FGGY: variants seen among roughly 807,000 people sequenced by gnomAD.
FGGY encodes the protein FGGY carbohydrate kinase domain containing.
Under a neutral mutation model 71.3 loss-of-function variants are expected in FGGY, and 72 were observed. The observed-to-expected ratio is 1.01, with a 90% CI of 0.84 to 1.23. The LOEUF (loss-of-function observed/expected upper bound fraction) is 1.23, where lower values mean the gene tolerates loss of function less well. Among genes scored for constraint, FGGY ranks in the 50% most tolerant of loss-of-function variants. The pLI, the probability that FGGY is intolerant of heterozygous loss-of-function variation, is 0.00. For synonymous variants in FGGY, 251 were observed against 250.3 expected, an observed-to-expected ratio of 1.00 and a Z score of -0.02; for missense variants, 668 against 682.3, an observed-to-expected ratio of 0.98 and a Z score of 0.23.
chr1:59,516,850 C>CA (rs374621677), intron 7 of FGGY, among the ~76,000 whole-genome samples: 2 of 152,236 alleles, frequency 1.3e-5, no homozygotes, highest in African/African-American at 4.8e-5. Flanking sequence ...TATGAGGGGT[C>CA]AGCACTCTGC....
intron 10 of FGGY, among the ~76,000 whole-genome samples, chr1:59,636,034 G>T (rs2096955446): frequency 6.6e-6 from 1 of 152,184 alleles, no homozygotes; most frequent in Admixed American, 6.6e-5. Context: ...ATGGCAACTG[G>T]TGTTAACTGT....
chr1:59,598,268 T>C (rs67282567), intron 8 of FGGY, among the ~76,000 whole-genome samples: 28,668 of 152,180 alleles, frequency 0.19, 3,661 homozygotes, highest in African/African-American at 0.35. Flanking sequence ...TTCTTGTCTA[T>C]AGGAGAGAGA....
chr1:59,545,802 G>A (rs1448554924), intron 7 of FGGY, among the ~76,000 whole-genome samples: 4 of 152,186 alleles, frequency 2.6e-5, no homozygotes, highest in Admixed American at 2.6e-4. Context: ...AATGATGAAT[G>A]CCATCCCAAG....
intron 4 of FGGY, among the ~76,000 whole-genome samples, chr1:59,373,312 T>A (rs1400123107): frequency 2.6e-5 from 4 of 152,214 alleles, no homozygotes; most frequent in African/African-American, 9.6e-5. Context: ...CACAATTGCT[T>A]CAAAGAGAAT....
intron 11 of FGGY, among the ~76,000 whole-genome samples, chr1:59,638,988 T>C (rs1350125907): frequency 1.3e-5 from 2 of 152,086 alleles, no homozygotes. Context: ...AGTTGAGATA[T>C]AAAAGTAATA....
At chr1:59,423,269 G>A (rs1195040023) in intron 5 of FGGY, among the ~76,000 whole-genome samples, 1 of 152,178 alleles carries the variant, frequency 6.6e-6, no homozygotes, top group African/African-American at 2.4e-5. Context: ...TTTGGCAAAG[G>A]AGTGTGGCAG....
intron 8 of FGGY, among the ~76,000 whole-genome samples, chr1:59,580,229 G>T (rs1198104493): frequency 6.6e-6 from 1 of 152,164 alleles, no homozygotes; most frequent in Non-Finnish European, 1.5e-5. Flanking sequence ...GTTCCATGAA[G>T]ACAGAACTTT....
intron 1 of FGGY, among the ~76,000 whole-genome samples, chr1:59,315,897 G>A (rs1213353274): frequency 6.6e-6 from 1 of 152,152 alleles, no homozygotes; most frequent in African/African-American, 2.4e-5. Flanking sequence ...TGAAGAGGAG[G>A]CCTTAAGAAA....
In FGGY at chr1:59,483,880, TTGAAAAAAAA is replaced by T. The variant is rs1036527233; in HGVS notation, c.670+26806_670+26815del. On this transcript the variant is annotated intron_variant, in intron 6 of 15. Transcript: ENST00000303721. Reference sequence around the variant, plus strand: ...CCCCTTCTCCTAACAGTTTGGCTTCTTGAAAAAAAATAAAAGATGAAGGAAGCAGGGGTCT... The same window carrying T: ...CCCCTTCTCCTAACAGTTTGGCTTCTTAAAAGATGAAGGAAGCAGGGGTCT... Among the ~76,000 whole-genome samples, 3 of 152,166 alleles carry T rather than the reference TTGAAAAAAAA, an allele frequency of 2.0e-5. No individual in the cohort carries two copies. In the East Asian group the frequency reaches 5.8e-4, roughly 29 times the overall value.
intron 14 of FGGY, among the ~76,000 whole-genome samples, chr1:59,715,365 C>T (rs2097837518): frequency 6.6e-6 from 1 of 152,148 alleles, no homozygotes; most frequent in African/African-American, 2.4e-5. Context: ...TGACTGGAAT[C>T]AGGATTCAAA....
At chr1:59,697,617 CGTGCTTAACATTTTT>C (rs1353846517) in intron 14 of FGGY, 2 of 1,234,984 alleles carry the variant, frequency 1.6e-6, no homozygotes, top group East Asian at 1.1e-4. Context: ...AAGACTTTGG[CGTGCTTAACATTTTT>C]GTGACTTCTT....
Position 59,374,105 on chromosome 1 carries a change from A to C in FGGY, c.466-4644A>C, listed in dbSNP as rs146704100. On this transcript the variant is annotated intron_variant, in intron 4 of 15. Coordinates refer to ENST00000303721, the MANE Select transcript of FGGY (RefSeq NM_018291.5). ...GCACAGCAAAAGAAACTACCATCAG[A>C]GTGAACAGGCAACCCACAAAATGGC... Among the ~76,000 whole-genome samples the C allele has an allele frequency of 5.7e-3, 873 of 152,340 alleles. 7 individuals carry two copies. Among genetic ancestry groups the C allele is most frequent in the African/African-American group, 0.019 (808 of 41,566 alleles).
chr1:59,714,650 C>A (rs2100409035), intron 14 of FGGY, among the ~76,000 whole-genome samples: 1 of 152,048 alleles, frequency 6.6e-6, no homozygotes, highest in East Asian at 1.9e-4. Flanking sequence ...AGCTACAGTA[C>A]CAGAGAGTCC....
intron 5 of FGGY, among the ~76,000 whole-genome samples, chr1:59,429,701 TACAC>T (rs762975316): frequency 6.6e-5 from 10 of 152,124 alleles, no homozygotes; most frequent in South Asian, 2.1e-4. Flanking sequence ...TATGCATGTA[TACAC>T]ACACACAGAC....
At position 59,478,175 on chromosome 1, in the gene FGGY, G is replaced by C. The variant is rs1035017001; in HGVS notation, c.670+21099G>C. 1.5e-4 allele frequency among the ~76,000 whole-genome samples: 23 copies of C among 152,094 alleles called. 1 individual carries two copies. The highest frequency in any genetic ancestry group is 5.1e-4 in the African/African-American group (21 of 41,402). Reference sequence around the variant, plus strand: ...GAGACCTCTCAATGCAGGCCTCGTGGGAACAATCTTATCTTATCCGGATAT... The same window carrying C: ...GAGACCTCTCAATGCAGGCCTCGTGCGAACAATCTTATCTTATCCGGATAT... On this transcript the variant is annotated intron_variant, in intron 6 of 15. Coordinates refer to ENST00000303721, the MANE Select transcript of FGGY (RefSeq NM_018291.5).
rs191144440 is a variant in FGGY, at chr1:59,519,689, A to G, written c.799+7250A>G. Among the ~76,000 whole-genome samples, 535 of 152,322 alleles carry G rather than the reference A, an allele frequency of 3.5e-3. 5 individuals carry two copies. Among genetic ancestry groups the G allele is most frequent in the African/African-American group, 0.012 (511 of 41,562 alleles). ...TACTACTATGATGACCATTTCTTACATGTGTCCTATGTGCCAAGTACTCTA... is the reference window on the plus strand; with the variant it reads ...TACTACTATGATGACCATTTCTTACGTGTGTCCTATGTGCCAAGTACTCTA... On this transcript the variant is annotated intron_variant, in intron 7 of 15. Coordinates refer to ENST00000303721, the MANE Select transcript of FGGY (RefSeq NM_018291.5).
At chr1:59,431,801 A>G (rs570663640) in intron 5 of FGGY, among the ~76,000 whole-genome samples, 33 of 152,354 alleles carry the variant, frequency 2.2e-4, no homozygotes, top group African/African-American at 7.7e-4. Flanking sequence ...TGTAATTTCC[A>G]GAGTGATCAA....
At chr1:59,665,375 T>C (rs1458596191) in intron 12 of FGGY, among the ~76,000 whole-genome samples, 4 of 152,180 alleles carry the variant, frequency 2.6e-5, no homozygotes, top group African/African-American at 4.8e-5. Context: ...TTTTACCTAA[T>C]CCATATTTTT....
intron 8 of FGGY, among the ~76,000 whole-genome samples, chr1:59,556,946 C>G (rs1295487848): frequency 2.0e-5 from 3 of 152,158 alleles, no homozygotes; most frequent in Non-Finnish European, 2.9e-5. Context: ...AAAGTCCCCA[C>G]CCCCATCCTG....
Sources: gnomAD v4.1 joint callset for allele counts (sites outside exome capture counted in the v4.1 genomes callset) on GRCh38, gnomAD v4.1.1 for gene constraint, MANE v1.5 for transcripts, NCBI Gene and HGNC (gene_info 2026-07-23, HGNC 2026-07-21) for gene names.